HSPA12A: variants seen among roughly 807,000 people sequenced by gnomAD.
The protein encoded by HSPA12A is heat shock protein family A (Hsp70) member 12A.
In HSPA12A, 28 loss-of-function variants were observed where a neutral mutation model predicts 69.2. That is an observed-to-expected ratio of 0.40 (90% confidence interval 0.30 to 0.55). The LOEUF (loss-of-function observed/expected upper bound fraction) is 0.55. Ranked by LOEUF, HSPA12A falls within the 20% of genes least tolerant of loss-of-function variation. HSPA12A has a pLI of 0.38. For synonymous variants in HSPA12A, 345 were observed against 370.5 expected, an observed-to-expected ratio of 0.93 and a Z score of 0.79; for missense variants, 686 against 900.7, an observed-to-expected ratio of 0.76 and a Z score of 3.05.
chr10:116,795,447 G>A (rs1366068396), intron 2 of HSPA12A, among the ~76,000 whole-genome samples: 1 of 151,962 alleles, frequency 6.6e-6, no homozygotes, highest in African/African-American at 2.4e-5. Context: ...GGGAGGCCAA[G>A]GTGGGTGGAT....
At chr10:116,798,521 G>A (rs1029551181) in intron 2 of HSPA12A, among the ~76,000 whole-genome samples, 16 of 152,184 alleles carry the variant, frequency 1.1e-4, no homozygotes, top group South Asian at 2.1e-4. Context: ...AATCTTACAC[G>A]GAAAAGTTGG....
chr10:116,842,036 C>T (rs1314504993), intron 1 of HSPA12A, among the ~76,000 whole-genome samples: 1 of 152,156 alleles, frequency 6.6e-6, no homozygotes, highest in African/African-American at 2.4e-5. Flanking sequence ...CTGTAGAAAT[C>T]ATCAGTTATA....
chr10:116,703,793 T>C (rs1554881904), intron 3 of HSPA12A, among the ~76,000 whole-genome samples: 4 of 152,124 alleles, frequency 2.6e-5, no homozygotes, highest in African/African-American at 9.7e-5. Flanking sequence ...GTGCTGGGTG[T>C]GCGGGGAAGG....
chr10:116,705,391 A>G, intron 2 of HSPA12A, 113 bp from the exon 3 acceptor site: 3 of 1,245,690 alleles, frequency 2.4e-6, no homozygotes, highest in Non-Finnish European at 3.5e-6. Flanking sequence ...AGACAGAAAG[A>G]CATTCTATAT....
intron 10 of HSPA12A, among the ~76,000 whole-genome samples, chr10:116,677,331 A>C (rs2133357081): frequency 6.6e-6 from 1 of 152,274 alleles, no homozygotes; most frequent in Non-Finnish European, 1.5e-5. Context: ...CCTGATGCAA[A>C]GTGCACACCA....
chr10:116,676,371 C>T lies in HSPA12A; in HGVS notation c.1390+28G>A, dbSNP rs572101698. 184 of 1,572,172 alleles carry T rather than the reference C, an allele frequency of 1.2e-4. 2 individuals are homozygous for T. In the South Asian group the frequency reaches 1.8e-3, roughly 15 times the overall value. ...ATCCCCTTTCTCAGCTCTGCCTCGC[C>T]GAGTGGCCGAGCCTGGCTGATACTT... On this transcript the variant is annotated intron_variant, in intron 11 of 11. Coordinates refer to ENST00000369209, the MANE Select transcript of HSPA12A (RefSeq NM_025015.3).
chr10:116,732,060 G>A (rs1033091740), intron 1 of HSPA12A, among the ~76,000 whole-genome samples: 1 of 152,090 alleles, frequency 6.6e-6, no homozygotes, highest in Non-Finnish European at 1.5e-5. Flanking sequence ...GCCAGGGGTG[G>A]TGGCTCATGC....
At chr10:116,809,078 C>T (rs765812324) in intron 2 of HSPA12A, among the ~76,000 whole-genome samples, 1 of 152,198 alleles carries the variant, frequency 6.6e-6, no homozygotes, top group Non-Finnish European at 1.5e-5. Context: ...TCCTGGGACA[C>T]CTGCCGATCT....
chr10:116,773,665 T>C (rs1372789038), intron 2 of HSPA12A, among the ~76,000 whole-genome samples: 5 of 152,224 alleles, frequency 3.3e-5, no homozygotes, highest in African/African-American at 1.2e-4. Context: ...GGTTGTCAAC[T>C]GCAGCCTGAG....
rs1849212478 is a variant in HSPA12A at position 116,675,529 on chromosome 10, AG to A, written c.1391-112del. 1 of 1,154,214 alleles carries A rather than the reference AG, an allele frequency of 8.7e-7. No homozygotes were observed. Among genetic ancestry groups the A allele is most frequent in the African/African-American group, 1.6e-5 (1 of 63,766 alleles). 71.5% of individuals were successfully genotyped at this position (1,154,214 alleles called of 1,614,324 possible). On this transcript the variant is annotated intron_variant, in intron 11 of 11. Transcript: ENST00000369209. This position sits in a 1 kb window ranked among gnomAD's most constrained non-coding sequence, Gnocchi z 5.2. ...GGATAAAGCCACTTGGGCCACTGGG[AG>A]GGCAGGCTTACTCTGAGCTCCTTGA...
intron 2 of HSPA12A, among the ~76,000 whole-genome samples, chr10:116,802,105 A>G (rs1034505071): frequency 1.3e-5 from 2 of 152,180 alleles, no homozygotes; most frequent in Non-Finnish European, 2.9e-5. Flanking sequence ...CAAAATGTAA[A>G]ACATGCTCAC....
chr10:116,725,551 G>T (rs7906171), intron 1 of HSPA12A, among the ~76,000 whole-genome samples: 42,737 of 151,958 alleles, frequency 0.28, 6,380 homozygotes, highest in East Asian at 0.38. Flanking sequence ...CATATTCACA[G>T]ATAGAAAGGG....
intron 2 of HSPA12A, among the ~76,000 whole-genome samples, chr10:116,786,581 T>C (rs1406700797): frequency 6.6e-6 from 1 of 152,224 alleles, no homozygotes; most frequent in Non-Finnish European, 1.5e-5. Flanking sequence ...GGTATATTTT[T>C]CTCATCTGTC....
chr10:116,752,464 C>A (rs998999642), intron 2 of HSPA12A, among the ~76,000 whole-genome samples: 1 of 152,180 alleles, frequency 6.6e-6, no homozygotes, highest in African/African-American at 2.4e-5. Flanking sequence ...TCTCTCCTTC[C>A]ATCAGACATG....
intron 1 of HSPA12A, among the ~76,000 whole-genome samples, chr10:116,732,653 T>C (rs185385300): frequency 6.6e-6 from 1 of 152,374 alleles, no homozygotes; most frequent in Non-Finnish European, 1.5e-5. Flanking sequence ...CAGAGTGTTT[T>C]ATTCACAGCA....
upstream of HSPA12A, among the ~76,000 whole-genome samples, chr10:116,742,991 CT>C: frequency 6.6e-6 from 1 of 152,180 alleles, no homozygotes. Context: ...TCCCCACCAG[CT>C]TCTGTCTGTC....
rs73380885 is a variant in HSPA12A at position 116,771,447 on chromosome 10, C to T, written c.91+63488G>A. Among the ~76,000 whole-genome samples, 720 of 152,302 alleles carry T rather than the reference C, an allele frequency of 4.7e-3. 6 individuals carry two copies. Among genetic ancestry groups the T allele is most frequent in the African/African-American group, 0.016 (671 of 41,576 alleles). On this transcript the variant is annotated intron_variant, in intron 2 of 12. Coordinates refer to the HSPA12A transcript ENST00000635765. Reference sequence around the variant, plus strand: ...GCCTGGGTGAAGGGTCACCCTCCTCCGGGAGCTGAAATGGGAACTGAGGAA... The same window carrying T: ...GCCTGGGTGAAGGGTCACCCTCCTCTGGGAGCTGAAATGGGAACTGAGGAA...
Position 116,683,876 on chromosome 10 carries a change from C to T in HSPA12A, c.750G>A (p.Arg250=), listed in dbSNP as rs374354851. ...EAASIYCRKL[R]LHQMIELSSK... is the part of the protein sequence containing the mutation. The stretch of plus-strand genomic sequence containing the variant: ...TGCTCAGCTCAATCATCTGGTGTAG[C>T]CGCAGCTTTCGGCAGTAGATAGAGG... The change falls in exon 7 of 12, where the codon CGG becomes CGA. Residue 250 remains arginine (R), a synonymous_variant. Coordinates refer to ENST00000369209, the MANE Select transcript of HSPA12A (RefSeq NM_025015.3). 23 of 1,600,582 alleles carry T rather than the reference C, an allele frequency of 1.4e-5. No homozygotes were observed. The Middle Eastern group carries it at 6.7e-4, about 47-fold the overall frequency.
At chr10:116,772,867 A>C (rs1381746881) in intron 2 of HSPA12A, among the ~76,000 whole-genome samples, 1 of 151,512 alleles carries the variant, frequency 6.6e-6, no homozygotes, top group Non-Finnish European at 1.5e-5. Flanking sequence ...GCTGATTATT[A>C]TTATTATTAT....
Sources: allele counts gnomAD v4.1 joint callset (sites outside exome capture counted in the v4.1 genomes callset), GRCh38; gene constraint gnomAD v4.1.1; non-coding constraint Gnocchi (gnomAD v3.1); transcripts MANE v1.5; gene names NCBI Gene and HGNC (gene_info 2026-07-23, HGNC 2026-07-21).